TFCP2L1: variants seen among roughly 807,000 people sequenced by gnomAD.
TFCP2L1 encodes the protein transcription factor CP2-like protein 1.
In TFCP2L1, 12 loss-of-function variants were observed where a neutral mutation model predicts 72.2. The observed-to-expected ratio is 0.17, with a 90% CI of 0.11 to 0.27. TFCP2L1 has a LOEUF of 0.27. TFCP2L1 is among the 10% of genes least tolerant of loss of function. TFCP2L1 has a pLI of 1.00. For missense variants in TFCP2L1, 488 were observed against 624.6 expected, an observed-to-expected ratio of 0.78 and a Z score of 2.33; for synonymous variants, 260 against 251.0, an observed-to-expected ratio of 1.04 and a Z score of -0.34.
intron 2 of TFCP2L1, among the ~76,000 whole-genome samples, chr2:121,270,169 C>A (rs1316820925): frequency 6.6e-6 from 1 of 151,982 alleles, no homozygotes; most frequent in Non-Finnish European, 1.5e-5. Context: ...TTTTCCCCAC[C>A]AGTTACCAAA....
At chr2:121,250,501 T>C (rs1382172469) in intron 2 of TFCP2L1, among the ~76,000 whole-genome samples, 1 of 151,984 alleles carries the variant, frequency 6.6e-6, no homozygotes, top group Non-Finnish European at 1.5e-5. Flanking sequence ...TTTCCCAAAA[T>C]TAAATACTGA....
chr2:121,227,488 C>T (rs1055555888), intron 13 of TFCP2L1, among the ~76,000 whole-genome samples: 4 of 152,012 alleles, frequency 2.6e-5, no homozygotes, highest in Non-Finnish European at 4.4e-5. Context: ...TCCAGAACAA[C>T]CTGGCCAACA....
In TFCP2L1 at chr2:121,248,227, C is replaced by T. The variant is rs866461260; in HGVS notation, c.441G>A (p.Pro147=). The change falls in exon 5 of 15, where the codon CCG becomes CCA. Residue 147 remains proline, a synonymous_variant. Transcript: ENST00000263707. ...AAAACTCGACTGCATTCAGCTGGGT[C>T]GGGCTGGCCCTGGGGTCCAAGATAC... ...SVGILDPRAS[P]TQLNAVEFLW... 1.1e-5 allele frequency: 17 copies of T among 1,614,076 alleles called. No homozygotes were observed. The highest frequency in any genetic ancestry group is 2.2e-5 in the South Asian group (2 of 91,040).
Position 121,224,359 on chromosome 2 carries a change from G to C in TFCP2L1, c.1422C>G (p.Ile474Met), listed in dbSNP as rs762269493. 6.2e-7 allele frequency: 1 copy of C among 1,614,078 alleles called. No homozygotes were observed. The highest frequency in any genetic ancestry group is 2.2e-5 in the East Asian group (1 of 44,886). The change falls in exon 15 of 15, where the codon ATC (isoleucine) becomes ATG (methionine). Residue 474 changes from isoleucine to methionine, a missense_variant. Physicochemically the swap from Ile to Met is conservative, Grantham distance 10 (BLOSUM62 1). This residue lies in a region of TFCP2L1 where 286 missense variants were observed against 329.0 expected (regional missense o/e 0.87). Coordinates refer to ENST00000263707, the MANE Select transcript of TFCP2L1 (RefSeq NM_014553.3). Reference protein sequence around the residue: ...KAESNDGYHIILKCGL With the variant: ...KAESNDGYHIMLKCGL ...CTGCTGCTCAGAGTCCACATTTCAG[G>C]ATGATGTGGTAGCCATCATTGCTCT...
rs188520432 is a variant in TFCP2L1, at chr2:121,269,769, C to T, written c.214+11351G>A. Among the ~76,000 whole-genome samples the T allele has an allele frequency of 3.2e-3, 492 of 151,842 alleles. 4 individuals carry two copies. Among genetic ancestry groups the T allele is most frequent in the African/African-American group, 0.012 (478 of 41,392 alleles). On this transcript the variant is annotated intron_variant, in intron 2 of 14. Coordinates refer to ENST00000263707, the MANE Select transcript of TFCP2L1 (RefSeq NM_014553.3). ...ACTAAAAATACAAAAATTAGCCAGG[C>T]GTGGTAGTGGACACCTGTAATCCCA... is the stretch of plus-strand genomic sequence containing the variant.
intron 2 of TFCP2L1, among the ~76,000 whole-genome samples, chr2:121,260,458 G>T (rs966888652): frequency 2.6e-4 from 39 of 152,136 alleles, no homozygotes; most frequent in Non-Finnish European, 5.1e-4. Context: ...ACTCAGCAAG[G>T]GCCAGCCAAA....
chr2:121,258,162 A>C (rs1423527601), intron 2 of TFCP2L1, among the ~76,000 whole-genome samples: 1 of 152,162 alleles, frequency 6.6e-6, no homozygotes, highest in East Asian at 1.9e-4. Flanking sequence ...CTGCCTGATC[A>C]CCTGTCAGAT....
Position 121,246,991 on chromosome 2 carries a change from C to T in TFCP2L1, c.505-21G>A, listed in dbSNP as rs185755891. 63 of 1,613,688 alleles carry T rather than the reference C, an allele frequency of 3.9e-5. No individual in the cohort carries two copies. In the East Asian group the frequency reaches 1.3e-3, roughly 33 times the overall value. On this transcript the variant is annotated intron_variant, in intron 5 of 14. Coordinates refer to ENST00000263707, the MANE Select transcript of TFCP2L1 (RefSeq NM_014553.3). The stretch of plus-strand genomic sequence containing the variant: ...TGTACCTGGGAGGAGAAACGTTGGG[C>T]AGGTGGCAAGGAGGCACCAAGCAGG...
chr2:121,234,309 G>A lies in TFCP2L1; in HGVS notation c.1095-115C>T, dbSNP rs1170484288. 8 of 953,738 alleles carry A rather than the reference G, an allele frequency of 8.4e-6. No individual in the cohort carries two copies. In the African/African-American group the frequency reaches 1.3e-4, roughly 15 times the overall value. 59.1% of individuals were successfully genotyped at this position (953,738 alleles called of 1,614,324 possible). A position where few individuals can be genotyped will look rare whatever the true frequency, so the allele number is the denominator to read the frequency against. ...AACTCAGGGAGGAAGAAAGACAGCG[G>A]TGGTGACGTGGAGTGCCTGTCATGG... On this transcript the variant is annotated intron_variant, in intron 11 of 14. Coordinates refer to ENST00000263707, the MANE Select transcript of TFCP2L1 (RefSeq NM_014553.3).
At chr2:121,273,230 T>C (rs1373777386) in intron 2 of TFCP2L1, among the ~76,000 whole-genome samples, 1 of 152,156 alleles carries the variant, frequency 6.6e-6, no homozygotes, top group African/African-American at 2.4e-5. Context: ...TGCAATGTTG[T>C]TTCTTATCTC....
chr2:121,231,346 G>T (rs987040793), intron 13 of TFCP2L1, among the ~76,000 whole-genome samples: 1 of 152,180 alleles, frequency 6.6e-6, no homozygotes, highest in Non-Finnish European at 1.5e-5. Context: ...TGAGCCCTCT[G>T]CCAGTAGCTG....
chr2:121,252,932 T>C (rs1686640721), intron 2 of TFCP2L1, among the ~76,000 whole-genome samples: 1 of 152,196 alleles, frequency 6.6e-6, no homozygotes, highest in African/African-American at 2.4e-5. Context: ...CCCCGTGCTT[T>C]GGGAGGCTGA....
chr2:121,226,716 C>T (rs191353760), intron 13 of TFCP2L1, among the ~76,000 whole-genome samples: 180 of 152,228 alleles, frequency 1.2e-3, no homozygotes, highest in African/African-American at 4.3e-3. Flanking sequence ...TCTCCATGGC[C>T]CTATCTGTAA....
intron 2 of TFCP2L1, among the ~76,000 whole-genome samples, chr2:121,258,257 G>A (rs1686765870): frequency 6.6e-6 from 1 of 152,176 alleles, no homozygotes; most frequent in South Asian, 2.1e-4. Context: ...CTGGAGCTGG[G>A]AGATAACAAG....
In TFCP2L1 at chr2:121,234,078, C is replaced by T; in HGVS notation, c.1198+13G>A. ...CCAATGTGTGGGTCCCAGCTCTGCT[C>T]CCCACAACTCACCAGACAGGTTGCT... On this transcript the variant is annotated intron_variant, in intron 12 of 14. Coordinates refer to ENST00000263707, the MANE Select transcript of TFCP2L1 (RefSeq NM_014553.3). 1 of 1,611,148 alleles carries T rather than the reference C, an allele frequency of 6.2e-7. No homozygotes were observed. The highest frequency in any genetic ancestry group is 8.5e-7 in the Non-Finnish European group (1 of 1,178,642).
chr2:121,253,168 A>T (rs781299504), intron 2 of TFCP2L1, among the ~76,000 whole-genome samples: 7 of 152,214 alleles, frequency 4.6e-5, no homozygotes, highest in Non-Finnish European at 8.8e-5. Flanking sequence ...CCACTGGGTC[A>T]GACTCCGTCT....
intron 6 of TFCP2L1, among the ~76,000 whole-genome samples, chr2:121,243,099 G>A (rs1339314115): frequency 6.6e-6 from 1 of 152,244 alleles, no homozygotes; most frequent in Non-Finnish European, 1.5e-5. Context: ...GTGGCCAAGT[G>A]TGCTGCATCG....
At chr2:121,249,738 C>A in intron 2 of TFCP2L1, 91 bp from the exon 3 acceptor site, 4 of 1,290,408 alleles carry the variant, frequency 3.1e-6, no homozygotes, top group Middle Eastern at 1.9e-4. Flanking sequence ...ACCCTCAGTG[C>A]CCATCCAGGC....
intron 2 of TFCP2L1, among the ~76,000 whole-genome samples, chr2:121,259,904 G>A (rs943694232): frequency 6.6e-6 from 1 of 152,098 alleles, no homozygotes; most frequent in Non-Finnish European, 1.5e-5. Context: ...AGAAAAGAGG[G>A]GAAAGTCCTC....
Sources: gnomAD v4.1 joint callset for allele counts (sites outside exome capture counted in the v4.1 genomes callset) on GRCh38, gnomAD v4.1.1 for gene constraint, gnomAD v4.1.1 regional missense constraint, MANE v1.5 for transcripts, NCBI Gene and HGNC (gene_info 2026-07-23, HGNC 2026-07-21) for gene names.